JAK1: variants seen among roughly 807,000 people sequenced by gnomAD.
JAK1 encodes Janus kinase 1.
Under a neutral mutation model 136.6 loss-of-function variants are expected in JAK1, and 16 were observed. That is an observed-to-expected ratio of 0.12 (90% CI 0.08 to 0.18). JAK1 has a LOEUF of 0.18. Ranked by LOEUF, JAK1 falls within the 10% of genes least tolerant of loss-of-function variation. The pLI, the probability that JAK1 is intolerant of heterozygous loss-of-function variation, is 1.00. For synonymous variants in JAK1, 492 were observed against 519.5 expected, an observed-to-expected ratio of 0.95 and a Z score of 0.72; for missense variants, 859 against 1,450.1, an observed-to-expected ratio of 0.59 and a Z score of 6.62.
At chr1:64,898,734 C>T (rs1366206874) in intron 1 of JAK1, among the ~76,000 whole-genome samples, 1 of 152,168 alleles carries the variant, frequency 6.6e-6, no homozygotes, top group East Asian at 1.9e-4. Context: ...AAACAGTCTC[C>T]AGGAGCTTGC....
intron 2 of JAK1, among the ~76,000 whole-genome samples, chr1:64,986,385 G>T (rs1192467780): frequency 1.3e-5 from 2 of 152,070 alleles, no homozygotes; most frequent in Non-Finnish European, 2.9e-5. Flanking sequence ...GGGATTACAG[G>T]TGTGAGCCAC....
chr1:64,840,983 T>C (rs1002850248), intron 19 of JAK1, among the ~76,000 whole-genome samples: 3 of 152,142 alleles, frequency 2.0e-5, no homozygotes, highest in Non-Finnish European at 4.4e-5. Flanking sequence ...CTCAAGTCTC[T>C]CAAGGGAGCT....
intron 24 of JAK1, 90 bp downstream of exon 24, chr1:64,835,306 C>T (rs1198187012): frequency 4.7e-6 from 3 of 638,544 alleles, no homozygotes; most frequent in South Asian, 2.4e-5. Context: ...ATCATTTCCT[C>T]GCTCTCCCCT....
intron 1 of JAK1, among the ~76,000 whole-genome samples, chr1:64,910,468 G>A (rs527524778): frequency 1.3e-5 from 2 of 152,226 alleles, no homozygotes; most frequent in Admixed American, 6.5e-5. Context: ...GGGGAAGAGG[G>A]AGATTTGAAA....
intron 1 of JAK1, among the ~76,000 whole-genome samples, chr1:65,052,609 C>G (rs1055926296): frequency 6.6e-6 from 1 of 151,854 alleles, no homozygotes; most frequent in African/African-American, 2.4e-5. Flanking sequence ...GTCAGGAGAT[C>G]GAGACCATCC....
chr1:64,906,318 C>T (rs1171276550), intron 1 of JAK1, among the ~76,000 whole-genome samples: 1 of 151,178 alleles, frequency 6.6e-6, no homozygotes, highest in Non-Finnish European at 1.5e-5. Context: ...AAAAAAAAAT[C>T]CCAACTACCT....
At position 65,021,637 on chromosome 1, in the gene JAK1, A is replaced by C. The variant is rs183465708; in HGVS notation, c.-78+22843T>G. On this transcript the variant is annotated intron_variant, in intron 2 of 25. Transcript: ENST00000671954. ...GTTGTTCATTGAATCCCTGAGTTCT[A>C]AACATAGCTCTCCCTGTCTATCCCC... Among the ~76,000 whole-genome samples, 20 of 152,278 alleles carry C rather than the reference A, an allele frequency of 1.3e-4. No individual in the cohort carries two copies. The East Asian group carries it at 3.7e-3, about 28-fold the overall frequency.
intron 5 of JAK1, among the ~76,000 whole-genome samples, chr1:64,870,656 C>T (rs1159441061): frequency 6.6e-6 from 1 of 152,070 alleles, no homozygotes; most frequent in Non-Finnish European, 1.5e-5. Context: ...CTTTCTCCAG[C>T]TTGGAGCAGG....
At chr1:64,886,404 C>G (rs540962335) in intron 1 of JAK1, 63 bp from the exon 2 acceptor site, 4 of 905,844 alleles carry the variant, frequency 4.4e-6, no homozygotes, top group Middle Eastern at 2.7e-4. Flanking sequence ...AATAAGAGGG[C>G]ATTTTCATTA....
intron 1 of JAK1, among the ~76,000 whole-genome samples, chr1:65,044,781 A>T (rs1647170003): frequency 6.6e-6 from 1 of 152,224 alleles, no homozygotes; most frequent in Non-Finnish European, 1.5e-5. Flanking sequence ...TGAGTGCAAC[A>T]GCAAGATTCA....
chr1:64,986,757 T>A (rs751814328), intron 2 of JAK1, among the ~76,000 whole-genome samples: 1 of 151,872 alleles, frequency 6.6e-6, no homozygotes, highest in African/African-American at 2.4e-5. Flanking sequence ...ATGCCTGTAG[T>A]CCCAGCTACT....
chr1:64,852,545 T>G (rs1655668099), intron 11 of JAK1, among the ~76,000 whole-genome samples: 1 of 152,072 alleles, frequency 6.6e-6, no homozygotes, highest in Non-Finnish European at 1.5e-5. Flanking sequence ...AGAAAAGGCA[T>G]CAAGAAGGGG....
intron 1 of JAK1, among the ~76,000 whole-genome samples, chr1:64,928,780 A>AAC (rs1380274523): frequency 1.1e-5 from 1 of 92,550 alleles, no homozygotes; most frequent in African/African-American, 4.5e-5. Context: ...AAACTCTGCA[A>AAC]AAAAAAAAAA....
intron 2 of JAK1, chr1:64,973,621 C>CAAAAAAA (rs1014601503): frequency 6.3e-5 from 4 of 63,604 alleles, no homozygotes; most frequent in Non-Finnish European, 9.6e-5. Context: ...TCTCACTTTG[C>CAAAAAAA]AAAAAAAAAA....
rs117117813 is a variant in JAK1 at position 64,855,075 on chromosome 1, T to C, written c.1648+434A>G. On this transcript the variant is annotated intron_variant, in intron 11 of 24. Coordinates refer to ENST00000342505, the MANE Select transcript of JAK1 (RefSeq NM_002227.4). ...GCCTCATTTACCTGTAACATCAGCA[T>C]TAGGCTGGGAAACCCCCAGAGAGCA... Among the ~76,000 whole-genome samples the C allele has an allele frequency of 7.9e-5, 12 of 152,344 alleles. 1 individual carries two copies. The East Asian group carries it at 2.3e-3, about 29-fold the overall frequency.
chr1:64,860,708 C>G (rs1042690827), intron 8 of JAK1, among the ~76,000 whole-genome samples: 1 of 152,088 alleles, frequency 6.6e-6, no homozygotes, highest in Non-Finnish European at 1.5e-5. Context: ...CCACCTTGGC[C>G]TCCCAAAGTG....
At chr1:64,951,784 G>A (rs1411142513) in intron 1 of JAK1, among the ~76,000 whole-genome samples, 1 of 150,222 alleles carries the variant, frequency 6.7e-6, no homozygotes, top group African/African-American at 2.5e-5. Context: ...TCAGCCTCCC[G>A]AGTAGCTGGG....
chr1:64,938,280 T>C (rs955915868), intron 1 of JAK1, among the ~76,000 whole-genome samples: 3 of 152,202 alleles, frequency 2.0e-5, no homozygotes, highest in Non-Finnish European at 4.4e-5. Context: ...TGATGAAACC[T>C]TTTAGATGTA....
At chr1:64,964,080 T>C (rs1646331912) in intron 1 of JAK1, among the ~76,000 whole-genome samples, 1 of 152,216 alleles carries the variant, frequency 6.6e-6, no homozygotes, top group African/African-American at 2.4e-5. Context: ...CATATACCAC[T>C]GAGCCACAAT....
Sources: allele counts gnomAD v4.1 joint callset (sites outside exome capture counted in the v4.1 genomes callset), GRCh38; gene constraint gnomAD v4.1.1; transcripts MANE v1.5; gene names NCBI Gene and HGNC (gene_info 2026-07-23, HGNC 2026-07-21).